PTPRU: variants seen among roughly 807,000 people sequenced by gnomAD.
PTPRU encodes protein tyrosine phosphatase receptor type U.
In PTPRU, 69 loss-of-function variants were observed where a neutral mutation model predicts 166.3. The observed-to-expected ratio is 0.41, with a 90% CI of 0.34 to 0.51. PTPRU has a LOEUF of 0.51. Ranked by LOEUF, PTPRU falls within the 20% of genes least tolerant of loss-of-function variation. PTPRU has a pLI of 0.09. For missense variants in PTPRU, 1,657 were observed against 2,013.7 expected, an observed-to-expected ratio of 0.82 and a Z score of 3.39; for synonymous variants, 793 against 814.0, an observed-to-expected ratio of 0.97 and a Z score of 0.44.
chr1:29,289,907 C>T (rs1406142777), intron 14 of PTPRU, among the ~76,000 whole-genome samples: 4 of 152,176 alleles, frequency 2.6e-5, no homozygotes, highest in East Asian at 1.9e-4. Context: ...CTCCTCAAGT[C>T]GTGGTCATGA....
At chr1:29,243,190 C>T (rs958188857) in intron 1 of PTPRU, among the ~76,000 whole-genome samples, 1 of 152,272 alleles carries the variant, frequency 6.6e-6, no homozygotes. Flanking sequence ...AGCCCCCGGG[C>T]CCGGCCCAGG....
rs1686153376 is a variant in PTPRU, at chr1:29,283,010, G to A, written c.2142+61G>A. 70 of 1,585,414 alleles carry A rather than the reference G, an allele frequency of 4.4e-5. No individual in the cohort carries two copies. The South Asian group carries it at 7.7e-4, about 17-fold the overall frequency. On this transcript the variant is annotated intron_variant, in intron 12 of 29. Coordinates refer to ENST00000373779, the MANE Select transcript of PTPRU (RefSeq NM_133178.4). Reference sequence around the variant, plus strand: ...GGGTGTGGGGGGATGGCAGACAGGAGATACCTTGGAGCAGGCCCAGCGCAG... The same window carrying A: ...GGGTGTGGGGGGATGGCAGACAGGAAATACCTTGGAGCAGGCCCAGCGCAG...
At chr1:29,278,042 A>G (rs1574651839) in intron 8 of PTPRU, among the ~76,000 whole-genome samples, 1 of 150,946 alleles carries the variant, frequency 6.6e-6, no homozygotes, top group South Asian at 2.1e-4. Context: ...CTGGTCTCGA[A>G]CTCCTGACCT....
At chr1:29,306,189 G>T (rs933561701) in intron 18 of PTPRU, among the ~76,000 whole-genome samples, 1 of 152,218 alleles carries the variant, frequency 6.6e-6, no homozygotes, top group African/African-American at 2.4e-5. Flanking sequence ...GGAGGGAGGG[G>T]CCAGAGACAG....
Position 29,284,789 on chromosome 1 carries a change from G to A in PTPRU, c.2238G>A (p.Gly746=), listed in dbSNP as rs772273324. The change falls in exon 14 of 30, where the codon GGG becomes GGA. Residue 746 remains glycine, a synonymous_variant. Coordinates refer to ENST00000373779, the MANE Select transcript of PTPRU (RefSeq NM_133178.4). ...TGTCCCAGAGATCGGAGGAGATGGGGCTTATCCTGGGCATCTGTGCAGGGG... is the reference window on the plus strand; with the variant it reads ...TGTCCCAGAGATCGGAGGAGATGGGACTTATCCTGGGCATCTGTGCAGGGG... ...LEVSQRSEEM[G]LILGICAGGL... 4.3e-6 allele frequency: 7 copies of A among 1,614,058 alleles called. No homozygotes were observed. The highest frequency in any genetic ancestry group is 1.7e-4 in the Middle Eastern group (1 of 6,060).
intron 8 of PTPRU, among the ~76,000 whole-genome samples, chr1:29,278,154 A>G (rs1417474800): frequency 6.6e-6 from 1 of 152,102 alleles, no homozygotes; most frequent in East Asian, 1.9e-4. Context: ...CTCGAATGCT[A>G]TCACAGGTCC....
At chr1:29,274,028 A>T (rs374896699) in intron 7 of PTPRU, among the ~76,000 whole-genome samples, 1 of 152,072 alleles carries the variant, frequency 6.6e-6, no homozygotes, top group East Asian at 1.9e-4. Flanking sequence ...TAAATGAGAT[A>T]AAGCATTTTT....
chr1:29,259,800 C>T (rs1684957408), intron 5 of PTPRU, 70 bp from the exon 6 acceptor site: 20 of 1,448,306 alleles, frequency 1.4e-5, no homozygotes, highest in Non-Finnish European at 1.7e-5. Context: ...CTAAATGGGG[C>T]CCGGGTCAGA....
intron 28 of PTPRU, among the ~76,000 whole-genome samples, chr1:29,324,179 T>C (rs2151972673): frequency 6.6e-6 from 1 of 152,354 alleles, no homozygotes; most frequent in African/African-American, 2.4e-5. Context: ...CATCCATCCA[T>C]CCATCCATCT....
rs888034298 is a variant in PTPRU, at chr1:29,260,969, G to C, written c.1144+66G>C. ...CCCAGGGCTATGGAGGGGCGCATTC[G>C]AGAGGTAGCGTGGCCTGTGCTTGTA... On this transcript the variant is annotated intron_variant, in intron 7 of 29. Coordinates refer to ENST00000373779, the MANE Select transcript of PTPRU (RefSeq NM_133178.4). The surrounding 1 kb of genome is among the most constrained non-coding windows in gnomAD (Gnocchi z 8.3). The C allele has an allele frequency of 2.8e-6, 4 of 1,445,776 alleles. No individual in the cohort carries two copies. Among genetic ancestry groups the C allele is most frequent in the Middle Eastern group, 3.7e-4 (2 of 5,346 alleles). The allele number at this position is 1,445,776 out of a possible 1,614,324, so 89.6% of individuals were successfully genotyped here.
rs183842682 is a variant in PTPRU, at chr1:29,274,972, C to G, written c.1145-476C>G. On this transcript the variant is annotated intron_variant, in intron 7 of 29. Coordinates refer to ENST00000373779, the MANE Select transcript of PTPRU (RefSeq NM_133178.4). ...GTCTGAGGTGGAAGGATTGCTTGAA[C>G]CTGGGAGGCAGAGGTTGCAGTGAGC... Among the ~76,000 whole-genome samples, 39 of 151,452 alleles carry G rather than the reference C, an allele frequency of 2.6e-4. No homozygotes were observed. The South Asian group carries it at 3.6e-3, about 14-fold the overall frequency.
chr1:29,314,642 G>T (rs188152947), intron 22 of PTPRU, among the ~76,000 whole-genome samples: 1 of 151,970 alleles, frequency 6.6e-6, no homozygotes, highest in African/African-American at 2.4e-5. Flanking sequence ...CAGTGGTGTG[G>T]TCTTGGTTCA....
rs992523075 is a variant in PTPRU at position 29,311,145 on chromosome 1, A to G, written c.2858-311A>G. Among the ~76,000 whole-genome samples, 3 of 151,902 alleles carry G rather than the reference A, an allele frequency of 2.0e-5. No homozygotes were observed. The highest frequency in any genetic ancestry group is 7.3e-5 in the African/African-American group (3 of 41,338). ...TGGCTGCCTGGATTCTTCTGTTTGC[A>G]TCCCTTTCCACGACTGTCCATCTGT... On this transcript the variant is annotated intron_variant, in intron 19 of 29. Coordinates refer to ENST00000373779, the MANE Select transcript of PTPRU (RefSeq NM_133178.4). The surrounding 1 kb of genome is among the most constrained non-coding windows in gnomAD (Gnocchi z 4.1).
intron 1 of PTPRU, among the ~76,000 whole-genome samples, chr1:29,252,415 G>A (rs897952891): frequency 2.0e-5 from 3 of 151,944 alleles, no homozygotes; most frequent in Non-Finnish European, 4.4e-5. Context: ...CTATAGGCAT[G>A]CGCCACCACA....
intron 18 of PTPRU, chr1:29,307,249 T>C (rs1293250330): frequency 1.4e-6 from 2 of 1,427,086 alleles, no homozygotes; most frequent in Non-Finnish European, 2.0e-6. Flanking sequence ...TGTCTCTCTG[T>C]CTCTGTCCTT....
intron 8 of PTPRU, among the ~76,000 whole-genome samples, chr1:29,276,966 A>G (rs991169533): frequency 2.6e-5 from 4 of 152,280 alleles, no homozygotes; most frequent in South Asian, 4.1e-4. Flanking sequence ...ACAAGTTTTG[A>G]TATTTCCTAT....
At position 29,315,874 on chromosome 1, in the gene PTPRU, C is replaced by A; in HGVS notation, c.3364-128C>A. 1.7e-6 allele frequency: 2 copies of A among 1,198,238 alleles called. No homozygotes were observed. Among genetic ancestry groups the A allele is most frequent in the African/African-American group, 1.5e-5 (1 of 65,564 alleles). 74.2% of individuals were successfully genotyped at this position (1,198,238 alleles called of 1,614,324 possible). ...GTTGTTTCAGGTAGGCTTGGTCCAG[C>A]CTGTAGTAACATGGTTGGCCTCCAC... is the stretch of plus-strand genomic sequence containing the variant. On this transcript the variant is annotated intron_variant, in intron 23 of 29. Transcript: ENST00000373779. The surrounding 1 kb of genome is among the most constrained non-coding windows in gnomAD (Gnocchi z 4.5).
At chr1:29,267,762 T>A (rs1188181023) in intron 7 of PTPRU, among the ~76,000 whole-genome samples, 1 of 152,168 alleles carries the variant, frequency 6.6e-6, no homozygotes, top group Non-Finnish European at 1.5e-5. Flanking sequence ...GGAGTGAGCA[T>A]CATCTACTTT....
intron 15 of PTPRU, among the ~76,000 whole-genome samples, chr1:29,297,519 C>T (rs757138039): frequency 1.3e-5 from 2 of 152,156 alleles, no homozygotes; most frequent in East Asian, 1.9e-4. Context: ...TGCTGCACCT[C>T]GAGGGATGGG....
Sources: gnomAD v4.1 joint callset for allele counts (sites outside exome capture counted in the v4.1 genomes callset) on GRCh38, gnomAD v4.1.1 for gene constraint, Gnocchi (gnomAD v3.1) non-coding constraint, MANE v1.5 for transcripts, NCBI Gene and HGNC (gene_info 2026-07-23, HGNC 2026-07-21) for gene names.